The following GPSM1 variants were observed in gnomAD, a reference collection of about 807,000 sequenced individuals.
GPSM1 encodes the protein G protein signaling modulator 1, also known as G protein-signaling modulator 1.
GPSM1 carries 48 observed loss-of-function variants against 70.5 expected under a neutral mutation model. That is an observed-to-expected ratio of 0.68 (90% CI 0.54 to 0.87). The LOEUF is 0.87. Among genes scored for constraint, GPSM1 ranks in the 40% least tolerant of loss-of-function variants. GPSM1 has a pLI of 0.00. For synonymous variants in GPSM1, 416 were observed against 430.1 expected, an observed-to-expected ratio of 0.97 and a Z score of 0.41; for missense variants, 981 against 972.6, an observed-to-expected ratio of 1.01 and a Z score of -0.11.
intron 2 of GPSM1, among the ~76,000 whole-genome samples, chr9:136,335,443 C>G (rs993195775): frequency 3.3e-5 from 5 of 152,152 alleles, no homozygotes; most frequent in Admixed American, 1.3e-4. Context: ...GCGCCCTCCC[C>G]CTCAGCCCTG....
chr9:136,358,149 G>C lies in GPSM1; in HGVS notation c.1957G>C (p.Ala653Pro). The C allele has an allele frequency of 6.2e-7, 1 of 1,604,430 alleles. No homozygotes were observed. The highest frequency in any genetic ancestry group is 1.7e-4 in the Middle Eastern group (1 of 6,028). ...KRMDEQRVDL[A>P]GGPEQGAGGP... ...CATGGACGAGCAGCGGGTGGACCTC[G>C]CCGGGGGCCCGGAGCAGGGGGCAGG... Residue 653 changes from alanine to proline, a missense_variant, in exon 14 of 14, where the codon GCC becomes CCC. Ala to Pro is a conservative substitution (Grantham distance 27). Coordinates refer to ENST00000440944, the MANE Select transcript of GPSM1 (RefSeq NM_001145638.3).
chr9:136,354,711 C>T, intron 11 of GPSM1: 1 of 600,180 alleles, frequency 1.7e-6, no homozygotes, highest in Non-Finnish European at 2.1e-6. Context: ...CCACAGGAGA[C>T]CACGCCCTCC....
At chr9:136,355,591 G>T in intron 11 of GPSM1, 99 bp from the exon 12 acceptor site, 1 of 1,152,872 alleles carries the variant, frequency 8.7e-7, no homozygotes. Context: ...ATCTTGGCCA[G>T]GGTCTCAGAA....
intron 9 of GPSM1, among the ~76,000 whole-genome samples, chr9:136,345,435 AGCCAGGCGCAGCGGGCCTTCC>A (rs1314203908): frequency 1.2e-4 from 19 of 152,204 alleles, no homozygotes; most frequent in African/African-American, 4.3e-4. Flanking sequence ...GGGTGCATTG[AGCCAGGCGCAGCGGGCCTTCC>A]GCCCACCGTC....
At position 136,342,906 on chromosome 9, in the gene GPSM1, CG is replaced by C; in HGVS notation, c.1207+1915del. ...GTGGGGCTTCAGCCCGGCGGGGACG[CG>C]GTGGGGCGTGGCCTTGCTGTTGTGG... On this transcript the variant is annotated intron_variant, in intron 9 of 13. Coordinates refer to ENST00000440944, the MANE Select transcript of GPSM1 (RefSeq NM_001145638.3). The surrounding 1 kb of genome is among the most constrained non-coding windows in gnomAD (Gnocchi z 5.5). 6.6e-6 allele frequency among the ~76,000 whole-genome samples: 1 copy of C among 150,498 alleles called. No homozygotes were observed. The highest frequency in any genetic ancestry group is 2.1e-4 in the South Asian group (1 of 4,680).
rs541170837 is a variant in GPSM1 at position 136,358,236 on chromosome 9, G to A, written c.*16G>A. On this transcript the variant is annotated 3_prime_UTR_variant, in exon 14 of 14. Transcript: ENST00000440944. ...TGCGAGCTAAGGCCCTGTGCCCACC[G>A]CCAGGCCCACCCTGCCCCCACTCCT... is the stretch of plus-strand genomic sequence containing the variant. The A allele has an allele frequency of 1.5e-5, 23 of 1,531,684 alleles. No homozygotes were observed. The highest frequency in any genetic ancestry group is 9.9e-5 in the Admixed American group (5 of 50,460). 94.9% of individuals were successfully genotyped at this position (1,531,684 alleles called of 1,614,324 possible). A position where few individuals can be genotyped will look rare whatever the true frequency, so the allele number is the denominator to read the frequency against.
chr9:136,341,817 T>A lies in GPSM1; in HGVS notation c.1207+824T>A. On this transcript the variant is annotated intron_variant, in intron 9 of 13. Transcript: ENST00000440944. The surrounding 1 kb of genome is among the most constrained non-coding windows in gnomAD (Gnocchi z 6.7). ...TTTCTTTTTCTTATCTTATTTTTAA[T>A]AATTAAATGTTTTTATAGAGATAGG... The A allele has an allele frequency of 1.0e-6, 1 of 971,726 alleles. No homozygotes were observed. Among genetic ancestry groups the A allele is most frequent in the Non-Finnish European group, 1.2e-6 (1 of 817,456 alleles). 60.2% of individuals were successfully genotyped at this position (971,726 alleles called of 1,614,324 possible). A position where few individuals can be genotyped will look rare whatever the true frequency, so the allele number is the denominator to read the frequency against.
intron 1 of GPSM1, among the ~76,000 whole-genome samples, chr9:136,333,720 C>T (rs189395206): frequency 4.0e-4 from 61 of 152,294 alleles, no homozygotes; most frequent in African/African-American, 1.0e-3. Context: ...CTGGGGGTGG[C>T]GGGCAGCACC....
At chr9:136,332,324 A>G (rs1554768601) in intron 1 of GPSM1, among the ~76,000 whole-genome samples, 1 of 152,216 alleles carries the variant, frequency 6.6e-6, no homozygotes, top group Non-Finnish European at 1.5e-5. Flanking sequence ...GCAGAATGAC[A>G]GAGGCCCATC....
intron 5 of GPSM1, 134 bp from the exon 6 acceptor site, chr9:136,337,712 C>T (rs1288837950): frequency 1.0e-6 from 1 of 977,642 alleles, no homozygotes; most frequent in Non-Finnish European, 1.6e-6. Context: ...TGCACTTGGT[C>T]CTGCAGCTGC....
chr9:136,356,589 T>C (rs1588711243), intron 13 of GPSM1, 39 bp downstream of exon 13: 1 of 1,501,912 alleles, frequency 6.7e-7, no homozygotes, highest in Non-Finnish European at 9.1e-7. Context: ...TCGCGGCCCC[T>C]TTGCCATCCA....
chr9:136,334,841 C>G (rs1832193944), intron 2 of GPSM1, among the ~76,000 whole-genome samples, 173 bp downstream of exon 2: 1 of 151,118 alleles, frequency 6.6e-6, no homozygotes, highest in African/African-American at 2.4e-5. Flanking sequence ...GGGGACGGCC[C>G]TGCTGGAGCA....
intron 6 of GPSM1, 108 bp downstream of exon 6, chr9:136,338,069 T>G: frequency 1.4e-6 from 1 of 717,164 alleles, no homozygotes; most frequent in East Asian, 2.7e-5. Context: ...TCCCCTCCCC[T>G]CCCCAGAAGG....
rs184544762 is a variant in GPSM1 at position 136,343,125 on chromosome 9, C to G, written c.1207+2132C>G. On this transcript the variant is annotated intron_variant, in intron 9 of 13. Coordinates refer to ENST00000440944, the MANE Select transcript of GPSM1 (RefSeq NM_001145638.3). This position sits in a 1 kb window ranked among gnomAD's most constrained non-coding sequence, Gnocchi z 6.0. ...GCCCCAGAAGTGTGTCTGGGGGTCACCACCCTGCCAGCCACTGCCCTTGTC... is the reference window on the plus strand; with the variant it reads ...GCCCCAGAAGTGTGTCTGGGGGTCAGCACCCTGCCAGCCACTGCCCTTGTC... Among the ~76,000 whole-genome samples the G allele has an allele frequency of 3.2e-4, 48 of 152,300 alleles. No individual in the cohort carries two copies. The highest frequency in any genetic ancestry group is 5.3e-4 in the Non-Finnish European group (36 of 68,020).
At chr9:136,338,781 G>C in intron 7 of GPSM1, 71 bp downstream of exon 7, 4 of 1,423,144 alleles carry the variant, frequency 2.8e-6, no homozygotes, top group Admixed American at 2.2e-5. Flanking sequence ...CCCAGGCGAG[G>C]TGGCCTGGGT....
Position 136,340,658 on chromosome 9 carries a change from C to G in GPSM1, c.1084-212C>G, listed in dbSNP as rs1053076191. On this transcript the variant is annotated intron_variant, in intron 8 of 13. Coordinates refer to ENST00000440944, the MANE Select transcript of GPSM1 (RefSeq NM_001145638.3). This position sits in a 1 kb window ranked among gnomAD's most constrained non-coding sequence, Gnocchi z 7.3. ...GGGTGAACTAGGGGCTGTTGAGGAC[C>G]TGTGGGGCCACCTCACCCAGGGACA... 1.4e-4 allele frequency among the ~76,000 whole-genome samples: 22 copies of G among 152,074 alleles called. No homozygotes were observed. Among genetic ancestry groups the G allele is most frequent in the African/African-American group, 5.3e-4 (22 of 41,418 alleles).
intron 1 of GPSM1, among the ~76,000 whole-genome samples, chr9:136,329,654 C>T (rs782126118): frequency 5.3e-5 from 8 of 152,220 alleles, no homozygotes; most frequent in Non-Finnish European, 1.0e-4. Flanking sequence ...CGTCTACTGC[C>T]TTCCCACACT....
intron 11 of GPSM1, chr9:136,353,290 A>C (rs1340744559): frequency 5.8e-6 from 1 of 172,296 alleles, no homozygotes; most frequent in Non-Finnish European, 1.2e-5. Flanking sequence ...GTGCCAAAGC[A>C]AGAGAGACTA....
chr9:136,343,247 T>C lies in GPSM1; in HGVS notation c.1207+2254T>C, dbSNP rs1395244637. On this transcript the variant is annotated intron_variant, in intron 9 of 13. Transcript: ENST00000440944. This position sits in a 1 kb window ranked among gnomAD's most constrained non-coding sequence, Gnocchi z 6.0. ...ACAGGCCCGGGCCTCCCACACTTGC[T>C]CCTGGGCTGCCCACCCCCCACCCCA... Among the ~76,000 whole-genome samples, 1 of 151,758 alleles carries C rather than the reference T, an allele frequency of 6.6e-6. No individual in the cohort carries two copies. The highest frequency in any genetic ancestry group is 2.4e-5 in the African/African-American group (1 of 41,280).
Sources: allele counts gnomAD v4.1 joint callset (sites outside exome capture counted in the v4.1 genomes callset), GRCh38; gene constraint gnomAD v4.1.1; non-coding constraint Gnocchi (gnomAD v3.1); transcripts MANE v1.5; gene names NCBI Gene and HGNC (gene_info 2026-07-23, HGNC 2026-07-21).